The following TACC2 variants were observed in gnomAD, a reference collection of about 807,000 sequenced individuals.
TACC2 encodes transforming acidic coiled-coil-containing protein 2.
A neutral mutation model predicts 227.3 loss-of-function variants in TACC2; 137 were observed. That is an observed-to-expected ratio of 0.60 (90% confidence interval 0.52 to 0.69). TACC2 has a LOEUF of 0.69. Ranked by LOEUF, TACC2 falls within the 30% of genes least tolerant of loss-of-function variation. TACC2 has a pLI of 0.00. For synonymous variants in TACC2, 1,523 were observed against 1,487.5 expected (o/e 1.02, Z -0.55); for missense variants, 3,470 against 3,694.4 (o/e 0.94, Z 1.57).
At chr10:122,134,666 A>T (rs573621297) in intron 6 of TACC2, among the ~76,000 whole-genome samples, 1 of 152,080 alleles carries the variant, frequency 6.6e-6, no homozygotes, top group Admixed American at 6.5e-5. Context: ...CCACCGTTTT[A>T]GGAAGACCCA....
chr10:122,206,270 C>A (rs1199732722), intron 8 of TACC2, among the ~76,000 whole-genome samples: 1 of 152,238 alleles, frequency 6.6e-6, no homozygotes, highest in Non-Finnish European at 1.5e-5. Context: ...CCCCTGTCAT[C>A]TCTAACACAT....
intron 8 of TACC2, among the ~76,000 whole-genome samples, chr10:122,204,421 C>T (rs1038792542): frequency 3.9e-5 from 6 of 152,110 alleles, no homozygotes; most frequent in Non-Finnish European, 8.8e-5. Context: ...GGGACTGTGG[C>T]CCCTTGGTCG....
At chr10:122,132,082 G>GAAAGAAGGAAAGAAAGAAAGAA in intron 5 of TACC2, among the ~76,000 whole-genome samples, 1 of 136,096 alleles carries the variant, frequency 7.3e-6, no homozygotes, top group African/African-American at 2.9e-5. Flanking sequence ...AAGAAAGAAA[G>GAAAGAAGGAAAGAAAGAAAGAA]AGAAAGATCT....
In TACC2 at chr10:122,083,458, G is replaced by A; in HGVS notation, c.958G>A (p.Ala320Thr). Residue 320 changes from alanine to threonine, a missense_variant, in exon 4 of 23, where the codon GCC becomes ACC. By Grantham distance (58) the Ala-to-Thr change is moderately conservative. Coordinates refer to ENST00000369005, the MANE Select transcript of TACC2 (RefSeq NM_206862.4). ...CHLPRSNSGA[A>T]PEAEVNAASQ... ...TCTCCCTAGGAGCAATTCAGGGGCT[G>A]CCCCAGAAGCAGAAGTGAATGCCGC... 1 of 1,613,384 alleles carries A rather than the reference G, an allele frequency of 6.2e-7. No individual in the cohort carries two copies. The highest frequency in any genetic ancestry group is 1.1e-5 in the South Asian group (1 of 91,082).
At chr10:122,217,071 C>T (rs1486226729) in intron 11 of TACC2, 11 of 691,582 alleles carry the variant, frequency 1.6e-5, no homozygotes, top group Non-Finnish European at 2.1e-5. Flanking sequence ...CCTCTAACTC[C>T]ACCTCAGGAC....
chr10:122,073,231 TGA>T (rs2136801563), intron 3 of TACC2, among the ~76,000 whole-genome samples: 1 of 149,294 alleles, frequency 6.7e-6, no homozygotes, highest in East Asian at 2.0e-4. Flanking sequence ...TGGCAGGTAC[TGA>T]GAGAGTGTCT....
rs759613450 is a variant in TACC2 at position 122,050,413 on chromosome 10, C to T, written c.34-25C>T. ...CAGAGACTCCTATCTGATTTCCTTT[C>T]CAATTTCTTTTTCTCCTGGCTCAGA... On this transcript the variant is annotated intron_variant, in intron 2 of 22. Transcript: ENST00000369005. This position sits in a 1 kb window ranked among gnomAD's most constrained non-coding sequence, Gnocchi z 4.6. The T allele has an allele frequency of 6.3e-7, 1 of 1,587,914 alleles. No homozygotes were observed. Among genetic ancestry groups the T allele is most frequent in the East Asian group, 2.2e-5 (1 of 44,756 alleles).
intron 7 of TACC2, among the ~76,000 whole-genome samples, chr10:122,172,158 C>T (rs1230310736): frequency 1.3e-5 from 2 of 152,200 alleles, no homozygotes; most frequent in Admixed American, 1.3e-4. Context: ...CTAGATTGTA[C>T]TCAAGGCTGC....
chr10:122,191,686 T>G (rs758588498), intron 7 of TACC2, among the ~76,000 whole-genome samples: 2 of 152,254 alleles, frequency 1.3e-5, no homozygotes, highest in South Asian at 4.1e-4. Context: ...CATATTTACT[T>G]CTGTGGTGGA....
intron 7 of TACC2, among the ~76,000 whole-genome samples, chr10:122,181,821 G>T (rs946824367): frequency 2.0e-5 from 3 of 152,194 alleles, no homozygotes; most frequent in African/African-American, 7.2e-5. Flanking sequence ...ACATTTTCAA[G>T]GCATTGAACA....
At chr10:122,175,188 C>G (rs545182009) in intron 7 of TACC2, among the ~76,000 whole-genome samples, 21 of 152,316 alleles carry the variant, frequency 1.4e-4, no homozygotes, top group Non-Finnish European at 2.6e-4. Flanking sequence ...CTCCAGAGGT[C>G]AAGCAATTCT....
chr10:122,227,551 C>T (rs1167562268), intron 13 of TACC2, among the ~76,000 whole-genome samples: 2 of 152,168 alleles, frequency 1.3e-5, no homozygotes, highest in Non-Finnish European at 2.9e-5. Flanking sequence ...AATGGAGGCA[C>T]GGTATCCAGT....
At chr10:122,024,397 T>G (rs540134429) in intron 2 of TACC2, among the ~76,000 whole-genome samples, 39 of 152,284 alleles carry the variant, frequency 2.6e-4, no homozygotes, top group African/African-American at 7.7e-4. Context: ...AGAGGTCCCA[T>G]GTACCATTAC....
chr10:122,149,718 G>T (rs1047348530), intron 7 of TACC2, among the ~76,000 whole-genome samples: 9 of 152,362 alleles, frequency 5.9e-5, no homozygotes, highest in Middle Eastern at 3.4e-3. Flanking sequence ...TGCCTTGTAG[G>T]CGGGGTGCAG....
chr10:122,166,366 T>G lies in TACC2; in HGVS notation c.5834+22660T>G, dbSNP rs76117492. Among the ~76,000 whole-genome samples the G allele has an allele frequency of 3.4e-3, 512 of 152,308 alleles. 1 individual carries two copies. The highest frequency in any genetic ancestry group is 5.6e-3 in the Non-Finnish European group (379 of 68,020). On this transcript the variant is annotated intron_variant, in intron 7 of 22. Coordinates refer to ENST00000369005, the MANE Select transcript of TACC2 (RefSeq NM_206862.4). ...AGGTTTGGGGTGCCTTTGGGCAGCT[T>G]TTGTAGCTCCAGCTGACAGCTTCAT...
chr10:122,083,166 T>C lies in TACC2; in HGVS notation c.666T>C (p.Gly222=). The C allele has an allele frequency of 1.2e-6, 2 of 1,612,954 alleles. No individual in the cohort carries two copies. The highest frequency in any genetic ancestry group is 2.2e-5 in the South Asian group (2 of 91,028). The change falls in exon 4 of 23, where the codon GGT becomes GGC. Residue 222 remains glycine (G), a synonymous_variant. Transcript: ENST00000369005. Reference sequence around the variant, plus strand: ...GTGGAGAGGGGGACCAGCCTGGTGGTTTTGAGTCCCAAGAGAAAGAGGCTG... The same window carrying C: ...GTGGAGAGGGGGACCAGCCTGGTGGCTTTGAGTCCCAAGAGAAAGAGGCTG... ...PLCGEGDQPG[G]FESQEKEAAG...
Position 122,237,493 on chromosome 10 carries a change from C to G in TACC2, c.8226C>G (p.Phe2742Leu). The G allele has an allele frequency of 1.9e-6, 3 of 1,614,148 alleles. No individual in the cohort carries two copies. In the South Asian group the frequency reaches 3.3e-5, roughly 18 times the overall value. ...AEVEKPAGLL[F>L]QQPDLDSALQ... ...TGGAGAAACCTGCAGGCCTTCTGTT[C>G]CAGCAGCCCGACCTGGACTCTGCCC... is the stretch of plus-strand genomic sequence containing the variant. Residue 2742 changes from phenylalanine (F) to leucine (L), a missense_variant, in exon 17 of 23, where the codon TTC (phenylalanine) becomes TTG (leucine). By Grantham distance (22) the Phe-to-Leu change is conservative. Coordinates refer to ENST00000369005, the MANE Select transcript of TACC2 (RefSeq NM_206862.4).
chr10:122,195,847 G>A (rs992812859), intron 8 of TACC2, among the ~76,000 whole-genome samples: 2 of 152,310 alleles, frequency 1.3e-5, no homozygotes, highest in African/African-American at 2.4e-5. Context: ...AAGAGATAGG[G>A]CCTGCCAGAA....
rs74158804 is a variant in TACC2, at chr10:122,143,766, C to T, written c.5834+60C>T. The T allele has an allele frequency of 5.8e-3, 9,083 of 1,578,578 alleles. 282 individuals carry two copies. In the African/African-American group the frequency reaches 0.083, roughly 14 times the overall value. On this transcript the variant is annotated intron_variant, in intron 7 of 22. Transcript: ENST00000369005. ...CCGGAGAGCAGGGGCCTGGTGGTCT[C>T]TGCCCCCTAGGTCTTGGGGTGAGCC... is the stretch of plus-strand genomic sequence containing the variant.
Sources: allele counts gnomAD v4.1 joint callset (sites outside exome capture counted in the v4.1 genomes callset), GRCh38; gene constraint gnomAD v4.1.1; non-coding constraint Gnocchi (gnomAD v3.1); transcripts MANE v1.5; gene names NCBI Gene and HGNC (gene_info 2026-07-23, HGNC 2026-07-21).